CKAP5: variants seen among roughly 807,000 people sequenced by gnomAD.
The protein encoded by CKAP5 is cytoskeleton associated protein 5, also known as cytoskeleton-associated protein 5.
CKAP5 carries 27 observed loss-of-function variants against 232.8 expected under a neutral mutation model. That is an observed-to-expected ratio of 0.12 (90% CI 0.09 to 0.16). The LOEUF is 0.16. CKAP5 is among the 10% of genes least tolerant of loss of function. The pLI, the probability that CKAP5 is intolerant of heterozygous loss-of-function variation, is 1.00. For missense variants in CKAP5, 1,838 were observed against 2,424.7 expected (o/e 0.76, Z 5.08); for synonymous variants, 785 against 841.1 (o/e 0.93, Z 1.16).
At chr11:46,769,629 G>A (rs1170797116) in intron 26 of CKAP5, among the ~76,000 whole-genome samples, 3 of 151,950 alleles carry the variant, frequency 2.0e-5, no homozygotes, top group Non-Finnish European at 2.9e-5. Context: ...CCAGGAGTTC[G>A]AGGTTGCAGT....
rs762259372 is a variant in CKAP5 at position 46,780,323 on chromosome 11, C to T, written c.2308-4G>A. The stretch of plus-strand genomic sequence containing the variant: ...TTATGGCAGCAGTCCTCACAGCCTG[C>T]CAGACAGAAGAAAAATAACTTTTTA... On this transcript the variant is annotated splice_polypyrimidine_tract_variant and splice_region_variant and intron_variant, in intron 19 of 43. Transcript: ENST00000529230. 5.6e-6 allele frequency: 9 copies of T among 1,613,654 alleles called. No individual in the cohort carries two copies. The highest frequency in any genetic ancestry group is 7.6e-6 in the Non-Finnish European group (9 of 1,179,890).
intron 42 of CKAP5, among the ~76,000 whole-genome samples, chr11:46,748,458 C>A (rs1477349213): frequency 6.6e-6 from 1 of 152,112 alleles, no homozygotes; most frequent in African/African-American, 2.4e-5. Flanking sequence ...GATAAAGTTG[C>A]CATCAACCAA....
chr11:46,767,173 C>G (rs542573675), intron 27 of CKAP5, among the ~76,000 whole-genome samples: 1 of 152,272 alleles, frequency 6.6e-6, no homozygotes, highest in East Asian at 1.9e-4. Flanking sequence ...AGGTGTGCCA[C>G]CATGCCCAAC....
chr11:46,806,505 A>G (rs1402890211), intron 8 of CKAP5, among the ~76,000 whole-genome samples: 1 of 151,986 alleles, frequency 6.6e-6, no homozygotes, highest in Non-Finnish European at 1.5e-5. Context: ...TCCCCTTCCC[A>G]TTCTTTCCTC....
At chr11:46,840,648 G>C (rs984857991) in intron 1 of CKAP5, among the ~76,000 whole-genome samples, 19 of 152,180 alleles carry the variant, frequency 1.2e-4, no homozygotes, top group African/African-American at 4.3e-4. Flanking sequence ...GTGGTCCCTG[G>C]AGCGTGGTGT....
At chr11:46,821,097 C>T in intron 2 of CKAP5, 78 bp downstream of exon 2, 1 of 1,013,204 alleles carries the variant, frequency 9.9e-7, no homozygotes, top group Non-Finnish European at 1.5e-6. Context: ...TTTTCACACA[C>T]TTCTAAGTAA....
intron 42 of CKAP5, among the ~76,000 whole-genome samples, chr11:46,747,426 A>AC (rs1456819751): frequency 6.7e-6 from 1 of 148,874 alleles, no homozygotes; most frequent in Non-Finnish European, 1.5e-5. Flanking sequence ...ATACGGTGAA[A>AC]CCCCGCCTCT....
At chr11:46,827,801 G>C (rs1939690435) in intron 1 of CKAP5, among the ~76,000 whole-genome samples, 1 of 152,132 alleles carries the variant, frequency 6.6e-6, no homozygotes, top group Non-Finnish European at 1.5e-5. Context: ...GAAAATTGTA[G>C]TAGAAACGGC....
At chr11:46,745,846 G>A (rs2134559962) in intron 42 of CKAP5, among the ~76,000 whole-genome samples, 1 of 152,116 alleles carries the variant, frequency 6.6e-6, no homozygotes, top group Middle Eastern at 3.4e-3. Context: ...CAGCTACTCG[G>A]GAGGCCAAGA....
intron 12 of CKAP5, among the ~76,000 whole-genome samples, 169 bp from the exon 13 acceptor site, chr11:46,795,945 C>A (rs1938861829): frequency 6.6e-6 from 1 of 152,114 alleles, no homozygotes; most frequent in Non-Finnish European, 1.5e-5. Context: ...GGGTGGATCA[C>A]TTGAGGTCAG....
At chr11:46,785,123 A>G (rs1439066783) in intron 16 of CKAP5, among the ~76,000 whole-genome samples, 1 of 152,346 alleles carries the variant, frequency 6.6e-6, no homozygotes, top group East Asian at 1.9e-4. Context: ...CAGAGATTTT[A>G]GAGAACTTGT....
At chr11:46,755,497 G>A (rs1007801962) in intron 35 of CKAP5, among the ~76,000 whole-genome samples, 37 of 151,694 alleles carry the variant, frequency 2.4e-4, no homozygotes, top group African/African-American at 8.2e-4. Flanking sequence ...GTGAGCCACC[G>A]CACCTGGCCC....
At position 46,790,538 on chromosome 11, in the gene CKAP5, C is replaced by T. The variant is rs193046259; in HGVS notation, c.1696G>A (p.Ala566Thr). The T allele has an allele frequency of 6.6e-5, 106 of 1,613,908 alleles. 1 individual carries two copies. In the South Asian group the frequency reaches 1.0e-3, roughly 16 times the overall value. ...KKGKPAAPGG[A>T]GNTGTKNKKG... is the part of the protein sequence containing the mutation. ...TTGTTCTTGGTTCCAGTATTCCCTG[C>T]GCCTCCTGGTGCAGCTGGTTTCCCC... Residue 566 changes from alanine to threonine, a missense_variant, in exon 14 of 44, where the codon GCA becomes ACA. Transcript: ENST00000529230.
At chr11:46,824,241 T>C (rs1416731102) in intron 1 of CKAP5, among the ~76,000 whole-genome samples, 1 of 152,214 alleles carries the variant, frequency 6.6e-6, no homozygotes, top group Non-Finnish European at 1.5e-5. Context: ...GGAACTTTCA[T>C]TAAGATTTTT....
intron 1 of CKAP5, among the ~76,000 whole-genome samples, chr11:46,842,966 CAAAAA>C (rs60343444): frequency 8.3e-3 from 329 of 39,414 alleles, no homozygotes; most frequent in Non-Finnish European, 0.012. Context: ...GACTCCGTCT[CAAAAA>C]AAAAAAAAAA....
At chr11:46,837,335 C>G (rs1592492788) in intron 1 of CKAP5, among the ~76,000 whole-genome samples, 2 of 152,132 alleles carry the variant, frequency 1.3e-5, no homozygotes, top group South Asian at 4.1e-4. Context: ...TTCCCCCCCG[C>G]CCATACTACT....
chr11:46,767,077 A>G (rs1292731756), intron 27 of CKAP5, among the ~76,000 whole-genome samples: 2 of 151,106 alleles, frequency 1.3e-5, no homozygotes, highest in African/African-American at 4.9e-5. Context: ...GCTGGAGTGC[A>G]ATGGCGAGAT....
chr11:46,800,404 C>T (rs1323442284), intron 9 of CKAP5, among the ~76,000 whole-genome samples: 3 of 152,128 alleles, frequency 2.0e-5, no homozygotes, highest in African/African-American at 7.2e-5. Context: ...AAAATGGACA[C>T]ATGACTAGGG....
rs767770984 is a variant in CKAP5 at position 46,751,343 on chromosome 11, C to G, written c.5322+3G>C. On this transcript the variant is annotated splice_donor_region_variant and intron_variant, in intron 39 of 43. Transcript: ENST00000529230. ...TCAGAGACCAGTTGCGATTCTTACT[C>G]ACCTTGGGCCCTTTTAATTTGCATA... The G allele has an allele frequency of 6.2e-7, 1 of 1,613,518 alleles. No homozygotes were observed.
Sources: allele counts gnomAD v4.1 joint callset (sites outside exome capture counted in the v4.1 genomes callset), GRCh38; gene constraint gnomAD v4.1.1; transcripts MANE v1.5; gene names NCBI Gene and HGNC (gene_info 2026-07-23, HGNC 2026-07-21).